ERICH6B: variants seen among roughly 807,000 people sequenced by gnomAD.
The protein encoded by ERICH6B is glutamate-rich protein 6B.
ERICH6B carries 69 observed loss-of-function variants against 80.0 expected under a neutral mutation model. The ratio of observed to expected loss-of-function variants is 0.86; its 90% CI spans 0.71 to 1.05. ERICH6B has a LOEUF of 1.05. ERICH6B is among the 50% of genes least tolerant of loss of function. ERICH6B has a pLI of 0.00. For missense variants in ERICH6B, 754 were observed against 796.1 expected, an observed-to-expected ratio of 0.95 and a Z score of 0.64; for synonymous variants, 283 against 291.9, an observed-to-expected ratio of 0.97 and a Z score of 0.31.
intron 11 of ERICH6B, among the ~76,000 whole-genome samples, chr13:45,560,403 C>G (rs183513312): frequency 6.6e-6 from 1 of 152,314 alleles, no homozygotes; most frequent in Admixed American, 6.5e-5. Flanking sequence ...CCCCAACCAT[C>G]AACACCCCCC....
chr13:45,556,415 C>T (rs1216326841), intron 11 of ERICH6B, among the ~76,000 whole-genome samples: 1 of 151,918 alleles, frequency 6.6e-6, no homozygotes, highest in Non-Finnish European at 1.5e-5. Context: ...TTTTTTTTCC[C>T]ATAGGTTTTT....
intron 13 of ERICH6B, among the ~76,000 whole-genome samples, chr13:45,546,956 C>G (rs1874018049): frequency 1.3e-5 from 2 of 152,160 alleles, no homozygotes; most frequent in South Asian, 4.2e-4. Context: ...CCCAGCCTGT[C>G]CAACCTCATT....
At chr13:45,587,028 G>A in intron 5 of ERICH6B, 35 bp downstream of exon 5, 3 of 1,541,562 alleles carry the variant, frequency 1.9e-6, no homozygotes, top group Non-Finnish European at 2.6e-6. Context: ...ACAGAGCCCG[G>A]CTGCGCCTCA....
At chr13:45,580,527 T>G (rs1354204494) in intron 6 of ERICH6B, 76 bp downstream of exon 6, 2 of 1,471,804 alleles carry the variant, frequency 1.4e-6, no homozygotes, top group Non-Finnish European at 1.9e-6. Context: ...GGGGGCAGGC[T>G]AATTCTGTGC....
At chr13:45,585,301 A>T (rs1875853611) in intron 5 of ERICH6B, among the ~76,000 whole-genome samples, 1 of 152,108 alleles carries the variant, frequency 6.6e-6, no homozygotes, top group African/African-American at 2.4e-5. Flanking sequence ...TTGATAGCTG[A>T]CTGGCTGTCT....
At chr13:45,598,031 T>C (rs1183313282) in intron 2 of ERICH6B, among the ~76,000 whole-genome samples, 3 of 152,152 alleles carry the variant, frequency 2.0e-5, no homozygotes, top group African/African-American at 4.8e-5. Context: ...TTGCTTAAAA[T>C]CTCCCAGTGG....
chr13:45,593,460 G>T (rs573514281), intron 3 of ERICH6B, among the ~76,000 whole-genome samples: 1 of 152,274 alleles, frequency 6.6e-6, no homozygotes, highest in Non-Finnish European at 1.5e-5. Flanking sequence ...GGCCTAAAAT[G>T]CTATGTGTCT....
chr13:45,583,566 G>A (rs1370193359), intron 5 of ERICH6B, among the ~76,000 whole-genome samples: 1 of 152,174 alleles, frequency 6.6e-6, no homozygotes, highest in African/African-American at 2.4e-5. Context: ...GTTTGGCTGT[G>A]TCCCTACCCA....
At chr13:45,597,142 T>A in intron 2 of ERICH6B, 79 bp from the exon 3 acceptor site, 1 of 1,031,260 alleles carries the variant, frequency 9.7e-7, no homozygotes, top group Non-Finnish European at 1.4e-6. Flanking sequence ...TTTGTTCACT[T>A]ATTTCATTCA....
chr13:45,542,509 G>A (rs528986075), intron 14 of ERICH6B, among the ~76,000 whole-genome samples: 57 of 152,312 alleles, frequency 3.7e-4, no homozygotes, highest in Non-Finnish European at 7.3e-5. Flanking sequence ...CCCTGCACAG[G>A]CACAGCTGCC....
intron 8 of ERICH6B, among the ~76,000 whole-genome samples, chr13:45,568,694 T>C (rs189036929): frequency 7.3e-4 from 111 of 152,256 alleles, no homozygotes; most frequent in African/African-American, 2.6e-3. Flanking sequence ...CGTTTACCTG[T>C]GTAACAAACT....
intron 13 of ERICH6B, among the ~76,000 whole-genome samples, chr13:45,545,334 C>T (rs528817811): frequency 3.7e-4 from 57 of 152,314 alleles, no homozygotes; most frequent in African/African-American, 1.3e-3. Flanking sequence ...GCTTAGACGT[C>T]ACCTCCTCAG....
intron 2 of ERICH6B, among the ~76,000 whole-genome samples, chr13:45,602,752 C>G (rs1278720755): frequency 6.6e-6 from 1 of 152,194 alleles, no homozygotes; most frequent in East Asian, 1.9e-4. Context: ...ACCAGGAGAG[C>G]AGTCTGGCTC....
intron 11 of ERICH6B, among the ~76,000 whole-genome samples, chr13:45,550,861 G>T (rs1429094855): frequency 6.6e-6 from 1 of 152,042 alleles, no homozygotes; most frequent in Non-Finnish European, 1.5e-5. Flanking sequence ...TATTGGATTG[G>T]GGCACACCCT....
At chr13:45,544,510 T>C (rs1873913642) in intron 14 of ERICH6B, among the ~76,000 whole-genome samples, 1 of 152,246 alleles carries the variant, frequency 6.6e-6, no homozygotes, top group African/African-American at 2.4e-5. Flanking sequence ...ATGCAAGTCA[T>C]TCTTCCCAGC....
intron 7 of ERICH6B, among the ~76,000 whole-genome samples, chr13:45,575,377 A>T (rs1476322595): frequency 6.6e-6 from 1 of 152,188 alleles, no homozygotes; most frequent in Non-Finnish European, 1.5e-5. Flanking sequence ...TGGTATGCTC[A>T]CAGTAGAGCA....
chr13:45,574,893 A>G lies in ERICH6B; in HGVS notation c.999T>C (p.Gly333=), dbSNP rs972786332. 1 of 1,551,518 alleles carries G rather than the reference A, an allele frequency of 6.4e-7. No individual in the cohort carries two copies. Among genetic ancestry groups the G allele is most frequent in the Non-Finnish European group, 8.7e-7 (1 of 1,146,964 alleles). The stretch of plus-strand genomic sequence containing the variant: ...GCTTGTCAATGGACTCATCTGTTAT[A>G]CCATCCCAAAAGTTCTCTTTAGAAG... ...EFASKENFWD[G]ITDESIDKLE... Residue 333 remains glycine, a synonymous_variant, in exon 8 of 15, where the codon GGT becomes GGC. Transcript: ENST00000298738.
intron 2 of ERICH6B, among the ~76,000 whole-genome samples, chr13:45,603,071 G>T (rs1949836462): frequency 1.3e-5 from 2 of 152,164 alleles, no homozygotes; most frequent in African/African-American, 4.8e-5. Context: ...CCTAGTGTAA[G>T]TCCTGGAGTC....
In ERICH6B at chr13:45,574,999, A is replaced by G. The variant is rs148006228; in HGVS notation, c.962-69T>C. ...AGAAAACCAAAAACATAAAAAATTTAAAAAGAATAGAAATAGATTGATGGT... is the reference window on the plus strand; with the variant it reads ...AGAAAACCAAAAACATAAAAAATTTGAAAAGAATAGAAATAGATTGATGGT... On this transcript the variant is annotated intron_variant, in intron 7 of 14. Transcript: ENST00000298738. 1.8e-3 allele frequency: 1,820 copies of G among 1,039,410 alleles called. 19 individuals carry two copies. In the African/African-American group the frequency reaches 0.025, roughly 14 times the overall value. The allele number at this position is 1,039,410 out of a possible 1,614,324, so 64.4% of individuals were successfully genotyped here.
Sources: allele counts gnomAD v4.1 joint callset (sites outside exome capture counted in the v4.1 genomes callset), GRCh38; gene constraint gnomAD v4.1.1; transcripts MANE v1.5; gene names NCBI Gene and HGNC (gene_info 2026-07-23, HGNC 2026-07-21).